ASAP2: variants seen among roughly 807,000 people sequenced by gnomAD.
The protein encoded by ASAP2 is ArfGAP with SH3 domain, ankyrin repeat and PH domain 2, also known as arf-GAP with SH3 domain, ANK repeat and PH domain-containing protein 2.
Under a neutral mutation model 131.4 loss-of-function variants are expected in ASAP2, and 45 were observed. The ratio of observed to expected loss-of-function variants is 0.34; its 90% CI spans 0.27 to 0.44. The LOEUF (loss-of-function observed/expected upper bound fraction) is 0.44. Among genes scored for constraint, ASAP2 ranks in the 20% least tolerant of loss-of-function variants. The pLI, the probability that ASAP2 is intolerant of heterozygous loss-of-function variation, is 1.00. For missense variants in ASAP2, 1,011 were observed against 1,297.0 expected (o/e 0.78, Z 3.39); for synonymous variants, 510 against 503.0 (o/e 1.01, Z -0.19).
intron 3 of ASAP2, among the ~76,000 whole-genome samples, chr2:9,306,194 C>T (rs935105208): frequency 3.0e-4 from 44 of 147,372 alleles, no homozygotes; most frequent in African/African-American, 1.0e-3. Context: ...GGAGTGGAAG[C>T]GCTGCAGGAG....
At chr2:9,376,311 T>C (rs938201002) in intron 17 of ASAP2, among the ~76,000 whole-genome samples, 7 of 152,200 alleles carry the variant, frequency 4.6e-5, no homozygotes, top group Non-Finnish European at 8.8e-5. Context: ...TATCTGTCCT[T>C]CTCCTCTGGT....
chr2:9,320,714 A>G (rs1670098756), intron 5 of ASAP2, among the ~76,000 whole-genome samples: 2 of 152,080 alleles, frequency 1.3e-5, no homozygotes, highest in South Asian at 2.1e-4. Flanking sequence ...CTTCCTGGTG[A>G]TTTGTGAAAG....
At chr2:9,347,985 T>C (rs1672079837) in intron 11 of ASAP2, among the ~76,000 whole-genome samples, 1 of 152,248 alleles carries the variant, frequency 6.6e-6, no homozygotes, top group African/African-American at 2.4e-5. Flanking sequence ...GTTGCATCTT[T>C]TTTTTACCAT....
At chr2:9,373,815 C>T (rs1045782398) in intron 16 of ASAP2, among the ~76,000 whole-genome samples, 1 of 152,300 alleles carries the variant, frequency 6.6e-6, no homozygotes, top group African/African-American at 2.4e-5. Flanking sequence ...TCAAAGAGTC[C>T]CTGGGCAGTG....
intron 1 of ASAP2, among the ~76,000 whole-genome samples, chr2:9,228,029 C>T (rs906203216): frequency 6.6e-5 from 10 of 152,064 alleles, no homozygotes; most frequent in Admixed American, 2.0e-4. Context: ...GCAGCGAGAT[C>T]GGAGAGGATA....
intron 2 of ASAP2, among the ~76,000 whole-genome samples, chr2:9,287,548 A>G (rs895811835): frequency 1.3e-5 from 2 of 152,204 alleles, no homozygotes; most frequent in African/African-American, 2.4e-5. Flanking sequence ...GAAGGTAGAC[A>G]TAGTATTTGT....
chr2:9,222,189 G>A lies in ASAP2; in HGVS notation c.126+14959G>A, dbSNP rs978044041. Among the ~76,000 whole-genome samples the A allele has an allele frequency of 3.3e-5, 5 of 152,154 alleles. 1 individual carries two copies. The highest frequency in any genetic ancestry group is 2.6e-4 in the Admixed American group (4 of 15,288). ...CTCAGTAACTTTATTGATGAACTTCGGTATTAAAAATCAGTTTTTATGTAA... is the reference window on the plus strand; with the variant it reads ...CTCAGTAACTTTATTGATGAACTTCAGTATTAAAAATCAGTTTTTATGTAA... On this transcript the variant is annotated intron_variant, in intron 1 of 27. Transcript: ENST00000281419.
At chr2:9,273,455 G>A (rs562533182) in intron 1 of ASAP2, among the ~76,000 whole-genome samples, 3 of 152,286 alleles carry the variant, frequency 2.0e-5, no homozygotes, top group Admixed American at 6.5e-5. Context: ...CACCTTGCCC[G>A]CTGCTGCCTA....
intron 1 of ASAP2, among the ~76,000 whole-genome samples, chr2:9,256,785 A>G (rs1665194335): frequency 6.6e-6 from 1 of 152,198 alleles, no homozygotes; most frequent in African/African-American, 2.4e-5. Context: ...TTCCAGCAAG[A>G]GACCTTTTTA....
At chr2:9,215,287 CTA>C (rs771504255) in intron 1 of ASAP2, among the ~76,000 whole-genome samples, 10 of 152,092 alleles carry the variant, frequency 6.6e-5, no homozygotes, top group Non-Finnish European at 1.3e-4. Context: ...TGAAATGTCA[CTA>C]TGTGGAGCAC....
At chr2:9,384,162 T>TA (rs1035049218) in intron 20 of ASAP2, among the ~76,000 whole-genome samples, 1 of 152,126 alleles carries the variant, frequency 6.6e-6, no homozygotes, top group Non-Finnish European at 1.5e-5. Context: ...TAAAGTATAA[T>TA]AAAAAAATAA....
chr2:9,242,283 G>A (rs1468852215), intron 1 of ASAP2, among the ~76,000 whole-genome samples: 2 of 152,238 alleles, frequency 1.3e-5, no homozygotes, highest in Non-Finnish European at 2.9e-5. Context: ...GTTCCTTGCT[G>A]ACACTGTCAG....
chr2:9,259,335 T>C (rs1387415297), intron 1 of ASAP2, among the ~76,000 whole-genome samples: 1 of 152,210 alleles, frequency 6.6e-6, no homozygotes, highest in Non-Finnish European at 1.5e-5. Flanking sequence ...TGCCTGTTGC[T>C]GCACTTCCCC....
rs959323387 is a variant in ASAP2 at position 9,311,704 on chromosome 2, C to A, written c.346-6820C>A. On this transcript the variant is annotated intron_variant, in intron 3 of 27. Coordinates refer to ENST00000281419, the MANE Select transcript of ASAP2 (RefSeq NM_003887.3). The surrounding 1 kb of genome is among the most constrained non-coding windows in gnomAD (Gnocchi z 5.2). ...GGCCAGAACTCGAGGATGGCTCGTT[C>A]GGCTGCGGGCCTGAGGCTGCTGGAC... 6.6e-6 allele frequency among the ~76,000 whole-genome samples: 1 copy of A among 152,204 alleles called. No homozygotes were observed. Among genetic ancestry groups the A allele is most frequent in the Non-Finnish European group, 1.5e-5 (1 of 68,038 alleles).
At chr2:9,377,108 A>C in intron 18 of ASAP2, 115 bp downstream of exon 18, 1 of 899,976 alleles carries the variant, frequency 1.1e-6, no homozygotes, top group Non-Finnish European at 1.7e-6. Context: ...TCCCAGTTCT[A>C]AACATGAATT....
chr2:9,208,340 T>G (rs1426606185), intron 1 of ASAP2, among the ~76,000 whole-genome samples: 1 of 97,298 alleles, frequency 1.0e-5, no homozygotes, highest in African/African-American at 4.0e-5. Flanking sequence ...AGCAGGAGTG[T>G]GTGTGTGGGT....
chr2:9,387,082 G>A (rs1233664411), intron 21 of ASAP2, among the ~76,000 whole-genome samples: 1 of 150,602 alleles, frequency 6.6e-6, no homozygotes, highest in Non-Finnish European at 1.5e-5. Flanking sequence ...GGTGGGTGGG[G>A]GGGCGCCTGT....
intron 3 of ASAP2, among the ~76,000 whole-genome samples, chr2:9,317,076 C>A (rs1191053364): frequency 6.6e-6 from 1 of 150,746 alleles, no homozygotes; most frequent in African/African-American, 2.5e-5. Flanking sequence ...CACACAAAAT[C>A]ACATCCACAC....
chr2:9,377,911 T>G (rs1674529576), intron 18 of ASAP2, among the ~76,000 whole-genome samples: 1 of 152,028 alleles, frequency 6.6e-6, no homozygotes, highest in African/African-American at 2.4e-5. Flanking sequence ...CATCTCTGAG[T>G]GCCAGCCCGG....
Sources: gnomAD v4.1 joint callset for allele counts (sites outside exome capture counted in the v4.1 genomes callset) on GRCh38, gnomAD v4.1.1 for gene constraint, Gnocchi (gnomAD v3.1) non-coding constraint, MANE v1.5 for transcripts, NCBI Gene and HGNC (gene_info 2026-07-23, HGNC 2026-07-21) for gene names.